Variants in TIMP2 observed in about 807,000 individuals in gnomAD.
TIMP2 encodes the protein metalloproteinase inhibitor 2.
Under a neutral mutation model 24.3 loss-of-function variants are expected in TIMP2, and 5 were observed. The ratio of observed to expected loss-of-function variants is 0.21; its 90% confidence interval spans 0.11 to 0.43. TIMP2 has a LOEUF of 0.43. Ranked by LOEUF, TIMP2 falls within the 20% of genes least tolerant of loss-of-function variation. The pLI, the probability that TIMP2 is intolerant of heterozygous loss-of-function variation, is 1.00. For missense variants in TIMP2, 221 were observed against 297.5 expected, an observed-to-expected ratio of 0.74 and a Z score of 1.89; for synonymous variants, 130 against 123.2, an observed-to-expected ratio of 1.06 and a Z score of -0.37.
At chr17:78,885,788 G>A (rs1359012816) in intron 1 of TIMP2, among the ~76,000 whole-genome samples, 1 of 152,194 alleles carries the variant, frequency 6.6e-6, no homozygotes, top group Admixed American at 6.5e-5. Context: ...GGCAGAGCCA[G>A]GGCTCCAACC....
At chr17:78,875,176 C>T (rs1228350986) in intron 1 of TIMP2, among the ~76,000 whole-genome samples, 1 of 152,206 alleles carries the variant, frequency 6.6e-6, no homozygotes, top group Non-Finnish European at 1.5e-5. Flanking sequence ...CTGCGCCCAG[C>T]CTGGGTGATT....
At chr17:78,865,512 T>C (rs1200777575) in intron 3 of TIMP2, among the ~76,000 whole-genome samples, 1 of 151,640 alleles carries the variant, frequency 6.6e-6, no homozygotes, top group Non-Finnish European at 1.5e-5. Context: ...TAATCCCTGC[T>C]ACTCGGAAGG....
intron 3 of TIMP2, among the ~76,000 whole-genome samples, chr17:78,866,807 A>G (rs1949320270): frequency 1.3e-5 from 2 of 152,190 alleles, no homozygotes; most frequent in African/African-American, 4.8e-5. Context: ...TTCCGTTCCC[A>G]GGAAAGCCCA....
intron 1 of TIMP2, among the ~76,000 whole-genome samples, chr17:78,888,161 T>G (rs574696711): frequency 2.6e-5 from 4 of 151,892 alleles, no homozygotes; most frequent in Non-Finnish European, 5.9e-5. Context: ...GTTTCTTTTT[T>G]TTTTTTTTCC....
intron 3 of TIMP2, among the ~76,000 whole-genome samples, chr17:78,862,642 C>T (rs936608736): frequency 1.3e-5 from 2 of 152,234 alleles, no homozygotes; most frequent in African/African-American, 4.8e-5. Flanking sequence ...GGCATATGAA[C>T]GGATCCATCG....
chr17:78,894,738 G>T (rs2069970574), intron 1 of TIMP2, among the ~76,000 whole-genome samples: 1 of 151,870 alleles, frequency 6.6e-6, no homozygotes, highest in African/African-American at 2.4e-5. Flanking sequence ...CTTGAGTCAG[G>T]CAAAGATTTC....
Position 78,925,022 on chromosome 17 carries a change from G to A in TIMP2, c.67C>T (p.Pro23Ser), listed in dbSNP as rs1031019474. Residue 23 changes from proline (P) to serine (S), a missense_variant, in exon 1 of 5, where the codon CCG (proline) becomes TCG (serine). Physicochemically the swap from Pro to Ser is moderately conservative, Grantham distance 74 (BLOSUM62 -1). Transcript: ENST00000262768. ...GGGGAGCAGCTGCAGGCGTCGGCCG[G>A]GCGAAGCAGCGTCGCCAGCAGCAGG... Reference protein sequence around the residue: ...GLLLLATLLRPADACSCSPVH... With the variant: ...GLLLLATLLRSADACSCSPVH... The A allele has an allele frequency of 1.5e-4, 196 of 1,279,138 alleles. No individual in the cohort carries two copies. Among genetic ancestry groups the A allele is most frequent in the Admixed American group, 8.0e-4 (23 of 28,616 alleles). The allele number at this position is 1,279,138 out of a possible 1,614,324, so 79.2% of individuals were successfully genotyped here. A position where few individuals can be genotyped will look rare whatever the true frequency, so the allele number is the denominator to read the frequency against.
chr17:78,885,136 G>A (rs1030688954), intron 1 of TIMP2, among the ~76,000 whole-genome samples: 3 of 152,238 alleles, frequency 2.0e-5, no homozygotes, highest in African/African-American at 7.2e-5. Flanking sequence ...GGCGACCCAC[G>A]CACCACTGCT....
intron 1 of TIMP2, among the ~76,000 whole-genome samples, chr17:78,918,966 C>G (rs1470562048): frequency 1.5e-5 from 2 of 137,406 alleles, no homozygotes; most frequent in Admixed American, 1.6e-4. Context: ...GGTGACACAG[C>G]AAGACTCCGT....
At chr17:78,886,786 G>A (rs761302164) in intron 1 of TIMP2, among the ~76,000 whole-genome samples, 7 of 151,884 alleles carry the variant, frequency 4.6e-5, no homozygotes, top group Admixed American at 6.6e-5. Flanking sequence ...GTGCAGCGGC[G>A]CAATCACAGC....
intron 1 of TIMP2, among the ~76,000 whole-genome samples, chr17:78,880,582 A>T (rs2069770892): frequency 6.6e-6 from 1 of 152,188 alleles, no homozygotes; most frequent in Non-Finnish European, 1.5e-5. Flanking sequence ...GCGTGGTGGC[A>T]TCTGCCTATA....
chr17:78,922,814 A>G (rs1599181036), intron 1 of TIMP2, among the ~76,000 whole-genome samples: 1 of 152,274 alleles, frequency 6.6e-6, no homozygotes, highest in East Asian at 1.9e-4. Flanking sequence ...AAAAAAGAAC[A>G]GGGAAATTTG....
At chr17:78,868,497 C>T (rs1045772134) in intron 3 of TIMP2, among the ~76,000 whole-genome samples, 5 of 152,194 alleles carry the variant, frequency 3.3e-5, no homozygotes, top group African/African-American at 9.6e-5. Context: ...GCAATCCGCC[C>T]GCCTCAGCCT....
intron 1 of TIMP2, among the ~76,000 whole-genome samples, chr17:78,915,759 A>T (rs1182269618): frequency 6.6e-6 from 1 of 152,120 alleles, no homozygotes. Flanking sequence ...ACCTCAGGCG[A>T]TCCACATGCC....
chr17:78,862,118 G>A (rs1320359285), intron 3 of TIMP2, among the ~76,000 whole-genome samples: 1 of 152,186 alleles, frequency 6.6e-6, no homozygotes, highest in African/African-American at 2.4e-5. Context: ...GAGGAATGTA[G>A]AAGAAAATTA....
chr17:78,907,450 G>A (rs1353968623), intron 1 of TIMP2, among the ~76,000 whole-genome samples: 2 of 152,190 alleles, frequency 1.3e-5, no homozygotes, highest in South Asian at 2.1e-4. Context: ...TGGTGGAGTC[G>A]TCTGAACACA....
chr17:78,871,381 G>C (rs1038605603), intron 2 of TIMP2, among the ~76,000 whole-genome samples: 1 of 150,778 alleles, frequency 6.6e-6, no homozygotes, highest in Admixed American at 6.6e-5. Flanking sequence ...GAACCTGCGA[G>C]GTGGAGGTTG....
At chr17:78,878,550 T>C (rs1322454269) in intron 1 of TIMP2, among the ~76,000 whole-genome samples, 2 of 152,214 alleles carry the variant, frequency 1.3e-5, no homozygotes, top group African/African-American at 4.8e-5. Flanking sequence ...AGACTCTCGA[T>C]TTGATGCAGC....
chr17:78,857,372 C>T, intron 4 of TIMP2, 150 bp downstream of exon 4: 4 of 1,075,604 alleles, frequency 3.7e-6, no homozygotes, highest in Non-Finnish European at 5.4e-6. Context: ...GACAGCCTTA[C>T]TCTTGGGATG....
Sources: gnomAD v4.1 joint callset for allele counts (sites outside exome capture counted in the v4.1 genomes callset) on GRCh38, gnomAD v4.1.1 for gene constraint, MANE v1.5 for transcripts, NCBI Gene and HGNC (gene_info 2026-07-23, HGNC 2026-07-21) for gene names.